Variants in JMJD1C observed in about 807,000 individuals in gnomAD.
The protein encoded by JMJD1C is jumonji domain containing 1C, also known as jumonji domain-containing protein 1C.
JMJD1C carries 31 observed loss-of-function variants against 245.3 expected under a neutral mutation model. The observed-to-expected ratio is 0.13, with a 90% CI of 0.09 to 0.17. JMJD1C has a LOEUF of 0.17. Among genes scored for constraint, JMJD1C ranks in the 10% least tolerant of loss-of-function variants. JMJD1C has a pLI of 1.00. For synonymous variants in JMJD1C, 1,057 were observed against 1,017.4 expected, an observed-to-expected ratio of 1.04 and a Z score of -0.74; for missense variants, 2,691 against 3,000.2, an observed-to-expected ratio of 0.90 and a Z score of 2.41.
rs71025149 is a variant in JMJD1C, at chr10:63,296,013, A to ATATTT, written c.334-31250_334-31249insAAATA. On this transcript the variant is annotated intron_variant, in intron 2 of 25. Coordinates refer to ENST00000399262, the MANE Select transcript of JMJD1C (RefSeq NM_032776.3). ...TGTGTGTGTGTGTGTGTATATATAT[A>ATATTT]TTTTTTTTTTTTTCTTAGATGGAGT... Among the ~76,000 whole-genome samples, 6 of 84,278 alleles carry ATATTT rather than the reference A, an allele frequency of 7.1e-5. No individual in the cohort carries two copies. The East Asian group carries it at 1.0e-3, about 15-fold the overall frequency. The allele number at this position is 84,278 out of a possible 152,430, so 55.3% of individuals were successfully genotyped here.
At chr10:63,257,453 G>A (rs992737240) in intron 3 of JMJD1C, among the ~76,000 whole-genome samples, 4 of 152,084 alleles carry the variant, frequency 2.6e-5, no homozygotes, top group African/African-American at 7.2e-5. Context: ...ATGTTGACCA[G>A]AGAAGGCTGT....
At chr10:63,280,670 T>C (rs1290508972) in intron 2 of JMJD1C, among the ~76,000 whole-genome samples, 1 of 152,256 alleles carries the variant, frequency 6.6e-6, no homozygotes, top group Non-Finnish European at 1.5e-5. Context: ...AAGATTTTAA[T>C]ATTATCTTGT....
At chr10:63,264,438 G>A (rs1855270919) in intron 3 of JMJD1C, among the ~76,000 whole-genome samples, 1 of 152,060 alleles carries the variant, frequency 6.6e-6, no homozygotes, top group African/African-American at 2.4e-5. Context: ...ACAGAACACT[G>A]CCTGGCTCAT....
intron 3 of JMJD1C, among the ~76,000 whole-genome samples, chr10:63,240,875 A>G (rs1437837074): frequency 6.6e-6 from 1 of 152,188 alleles, no homozygotes; most frequent in Non-Finnish European, 1.5e-5. Context: ...GACCAGCGGG[A>G]TATCTCCTAA....
At chr10:63,422,371 A>G (rs1226443438) in intron 1 of JMJD1C, among the ~76,000 whole-genome samples, 11 of 152,240 alleles carry the variant, frequency 7.2e-5, no homozygotes. Flanking sequence ...ACTGCACTCC[A>G]GCCTGGGCAA....
At chr10:63,319,570 AAAAAAAATT>A (rs1410452959) in intron 2 of JMJD1C, among the ~76,000 whole-genome samples, 4 of 151,936 alleles carry the variant, frequency 2.6e-5, no homozygotes, top group Non-Finnish European at 5.9e-5. Context: ...TTCTCCACTT[AAAAAAAATT>A]ATCTCCCTTC....
chr10:63,207,545 A>C lies in JMJD1C; in HGVS notation c.4124T>G (p.Val1375Gly), dbSNP rs1277856212. ...HTKSEKNFQA[V>G]SQGSVPSSVM... ...TGAACTGGGAACACTGCCCTGTGAG[A>C]CAGCCTGAAAGTTTTTTTCAGATTT... The change falls in exon 10 of 26, where the codon GTC becomes GGC. Residue 1375 changes from valine to glycine, a missense_variant. Val to Gly is a moderately radical substitution (Grantham distance 109, BLOSUM62 -3). Around this residue, in one of 9 missense-constraint regions of JMJD1C, gnomAD observed 1,562 missense variants for 1,490.7 expected, o/e 1.05. Coordinates refer to ENST00000399262, the MANE Select transcript of JMJD1C (RefSeq NM_032776.3). The C allele has an allele frequency of 6.2e-6, 10 of 1,614,024 alleles. No homozygotes were observed. The highest frequency in any genetic ancestry group is 1.3e-5 in the African/African-American group (1 of 74,906).
chr10:63,272,855 TATAG>T (rs1856460696), intron 2 of JMJD1C, among the ~76,000 whole-genome samples: 1 of 152,220 alleles, frequency 6.6e-6, no homozygotes, highest in South Asian at 2.1e-4. Flanking sequence ...CACTATATGA[TATAG>T]ACTTAAAAAC....
intron 1 of JMJD1C, among the ~76,000 whole-genome samples, chr10:63,483,680 A>AT (rs1953896397): frequency 6.6e-6 from 1 of 152,172 alleles, no homozygotes; most frequent in Non-Finnish European, 1.5e-5. Context: ...CCCCAAATGC[A>AT]TTTTAGTATC....
chr10:63,277,726 C>T lies in JMJD1C; in HGVS notation c.334-12962G>A, dbSNP rs1270185929. 7.6e-5 allele frequency among the ~76,000 whole-genome samples: 7 copies of T among 92,174 alleles called. No homozygotes were observed. In the South Asian group the frequency reaches 1.5e-3, roughly 20 times the overall value. The allele number at this position is 92,174 out of a possible 152,430, so 60.5% of individuals were successfully genotyped here. On this transcript the variant is annotated intron_variant, in intron 2 of 25. Transcript: ENST00000399262. ...AAATATATTCATTGAGAGTAATTTG[C>T]ATTTCTTTTTTTTTTTTTTTTTTTT... is the stretch of plus-strand genomic sequence containing the variant.
At chr10:63,197,005 G>A (rs1453379012) in intron 13 of JMJD1C, among the ~76,000 whole-genome samples, 1 of 151,538 alleles carries the variant, frequency 6.6e-6, no homozygotes, top group Non-Finnish European at 1.5e-5. Flanking sequence ...GTTTTGCCAT[G>A]TTGCCCAGGC....
At chr10:63,472,989 TGGCCA>T (rs1429433048) in intron 1 of JMJD1C, among the ~76,000 whole-genome samples, 2 of 151,964 alleles carry the variant, frequency 1.3e-5, no homozygotes, top group Non-Finnish European at 2.9e-5. Context: ...CTCATCATGT[TGGCCA>T]GGATGGTCTC....
intron 17 of JMJD1C, among the ~76,000 whole-genome samples, chr10:63,190,601 A>C (rs1844677747): frequency 6.6e-6 from 1 of 152,058 alleles, no homozygotes; most frequent in Non-Finnish European, 1.5e-5. Context: ...TACAACATTC[A>C]CTTCCATGTG....
intron 3 of JMJD1C, among the ~76,000 whole-genome samples, chr10:63,233,329 G>C (rs1850243277): frequency 6.6e-6 from 1 of 151,862 alleles, no homozygotes; most frequent in African/African-American, 2.4e-5. Context: ...TTTCCCTAAG[G>C]ATAAAAGAGT....
chr10:63,466,067 A>G (rs910254121), upstream of JMJD1C: 1 of 211,458 alleles, frequency 4.7e-6, no homozygotes, highest in African/African-American at 2.4e-5. Flanking sequence ...GGGTCGGCGG[A>G]ACCACCGCAG....
At chr10:63,324,054 T>TC (rs1219131052) in intron 2 of JMJD1C, among the ~76,000 whole-genome samples, 2 of 151,336 alleles carry the variant, frequency 1.3e-5, no homozygotes, top group African/African-American at 2.4e-5. Context: ...TTTTTTTTTT[T>TC]TTCTATGTGG....
At chr10:63,290,423 T>C (rs1245049928) in intron 2 of JMJD1C, among the ~76,000 whole-genome samples, 19 of 152,046 alleles carry the variant, frequency 1.2e-4, no homozygotes, top group Admixed American at 1.2e-3. Flanking sequence ...TAGTCAGGCG[T>C]GGTGGCGGAT....
intron 3 of JMJD1C, among the ~76,000 whole-genome samples, chr10:63,251,820 T>A (rs546396502): frequency 8.6e-4 from 131 of 152,270 alleles, no homozygotes; most frequent in African/African-American, 3.1e-3. Context: ...AAGACCAGCC[T>A]GGCCAACATG....
At chr10:63,190,709 T>C (rs1291531340) in intron 17 of JMJD1C, among the ~76,000 whole-genome samples, 185 bp downstream of exon 17, 1 of 152,104 alleles carries the variant, frequency 6.6e-6, no homozygotes, top group East Asian at 1.9e-4. Context: ...CCTTTCACCT[T>C]GGAAAAAAAG....
Sources: allele counts gnomAD v4.1 joint callset (sites outside exome capture counted in the v4.1 genomes callset), GRCh38; gene constraint gnomAD v4.1.1; regional missense constraint gnomAD v4.1.1; transcripts MANE v1.5; gene names NCBI Gene and HGNC (gene_info 2026-07-23, HGNC 2026-07-21).